NXPH1: variants seen among roughly 807,000 people sequenced by gnomAD.
NXPH1 encodes the protein neurexophilin-1.
Under a neutral mutation model 23.7 loss-of-function variants are expected in NXPH1, and 5 were observed. The observed-to-expected ratio is 0.21, with a 90% CI of 0.11 to 0.44. NXPH1 has a LOEUF of 0.44. Among genes scored for constraint, NXPH1 ranks in the 20% least tolerant of loss-of-function variants. The pLI is 0.99. For missense variants in NXPH1, 324 were observed against 321.6 expected (o/e 1.01, Z -0.06); for synonymous variants, 144 against 122.2 (o/e 1.18, Z -1.18).
intron 2 of NXPH1, among the ~76,000 whole-genome samples, chr7:8,716,965 A>G (rs1779888655): frequency 6.6e-6 from 1 of 152,210 alleles, no homozygotes; most frequent in Non-Finnish European, 1.5e-5. Flanking sequence ...AGGCTCCAAG[A>G]CACTGCTCTG....
intron 2 of NXPH1, among the ~76,000 whole-genome samples, chr7:8,462,832 C>T (rs1374171114): frequency 6.6e-6 from 1 of 152,182 alleles, no homozygotes; most frequent in Admixed American, 6.5e-5. Context: ...ATCTGTGTAT[C>T]ATTTTGCATT....
chr7:8,548,304 T>C (rs1818225980), intron 2 of NXPH1, among the ~76,000 whole-genome samples: 1 of 151,546 alleles, frequency 6.6e-6, no homozygotes, highest in African/African-American at 2.4e-5. Context: ...GTTTCCATGT[T>C]GGACATCGCC....
intron 2 of NXPH1, among the ~76,000 whole-genome samples, chr7:8,722,433 C>T (rs979215278): frequency 6.6e-6 from 1 of 152,182 alleles, no homozygotes; most frequent in African/African-American, 2.4e-5. Flanking sequence ...TTTCAATTCT[C>T]TCCTTCCTCA....
intron 2 of NXPH1, among the ~76,000 whole-genome samples, chr7:8,508,061 C>A (rs1160037021): frequency 6.6e-6 from 1 of 152,062 alleles, no homozygotes; most frequent in Non-Finnish European, 1.5e-5. Flanking sequence ...ATCCAATATT[C>A]CTGATTTCAA....
At chr7:8,620,799 A>G (rs1010676691) in intron 2 of NXPH1, among the ~76,000 whole-genome samples, 1 of 152,246 alleles carries the variant, frequency 6.6e-6, no homozygotes, top group Non-Finnish European at 1.5e-5. Context: ...ATGGTTAAAA[A>G]TTCTAATTTG....
intron 2 of NXPH1, among the ~76,000 whole-genome samples, chr7:8,739,171 TAAAAA>T (rs34593997): frequency 7.8e-4 from 42 of 54,046 alleles, no homozygotes; most frequent in African/African-American, 2.9e-3. Flanking sequence ...ACCAGTGGGG[TAAAAA>T]AAAAAAAAAA....
At chr7:8,543,355 T>C (rs1241385689) in intron 2 of NXPH1, among the ~76,000 whole-genome samples, 1 of 151,714 alleles carries the variant, frequency 6.6e-6, no homozygotes, top group Non-Finnish European at 1.5e-5. Context: ...GATGTGTCAC[T>C]TATGTTTCTT....
At chr7:8,496,957 G>T (rs1052758339) in intron 2 of NXPH1, among the ~76,000 whole-genome samples, 1 of 151,994 alleles carries the variant, frequency 6.6e-6, no homozygotes, top group Non-Finnish European at 1.5e-5. Flanking sequence ...CCATGTTGGT[G>T]TGCTGCACCC....
chr7:8,447,394 T>A (rs1816423813), intron 2 of NXPH1, among the ~76,000 whole-genome samples: 1 of 152,242 alleles, frequency 6.6e-6, no homozygotes, highest in South Asian at 2.1e-4. Context: ...ATTTCTCTGG[T>A]CTTGATGTGG....
chr7:8,747,020 C>T (rs1583259367), intron 2 of NXPH1, among the ~76,000 whole-genome samples: 1 of 152,160 alleles, frequency 6.6e-6, no homozygotes, highest in African/African-American at 2.4e-5. Flanking sequence ...GTGATGACAA[C>T]AGCTAAGACG....
intron 2 of NXPH1, among the ~76,000 whole-genome samples, chr7:8,594,837 T>C (rs12538831): frequency 6.6e-6 from 1 of 152,060 alleles, no homozygotes; most frequent in Non-Finnish European, 1.5e-5. Flanking sequence ...CAAATTATTG[T>C]CTTGTGTAGG....
chr7:8,564,605 T>C (rs926638251), intron 2 of NXPH1, among the ~76,000 whole-genome samples: 6 of 151,794 alleles, frequency 4.0e-5, no homozygotes, highest in African/African-American at 4.8e-5. Flanking sequence ...TTACTCCAAA[T>C]TCCTAATGGG....
At chr7:8,535,782 T>C (rs12667809) in intron 2 of NXPH1, among the ~76,000 whole-genome samples, 41,985 of 151,904 alleles carry the variant, frequency 0.28, 6,968 homozygotes, top group Admixed American at 0.41. Context: ...ATAAATTTAA[T>C]TCAATTTACA....
intron 2 of NXPH1, among the ~76,000 whole-genome samples, chr7:8,551,080 T>G (rs1271513052): frequency 2.0e-5 from 3 of 151,526 alleles, no homozygotes; most frequent in Non-Finnish European, 3.0e-5. Flanking sequence ...AATATCTTAG[T>G]TTTTTAAAAA....
chr7:8,557,142 C>G (rs1345591358), intron 2 of NXPH1, among the ~76,000 whole-genome samples: 1 of 151,634 alleles, frequency 6.6e-6, no homozygotes, highest in Non-Finnish European at 1.5e-5. Context: ...AGGTTTAGAA[C>G]CTGTGTTTGG....
At chr7:8,670,968 C>T (rs1344586096) in intron 2 of NXPH1, among the ~76,000 whole-genome samples, 1 of 152,106 alleles carries the variant, frequency 6.6e-6, no homozygotes, top group African/African-American at 2.4e-5. Flanking sequence ...TTGGGATGTA[C>T]TCATCTGCCT....
intron 2 of NXPH1, among the ~76,000 whole-genome samples, chr7:8,538,615 A>G (rs1818064654): frequency 6.6e-6 from 1 of 151,948 alleles, no homozygotes; most frequent in Non-Finnish European, 1.5e-5. Flanking sequence ...AATAGTATCT[A>G]TCTTAATTAT....
intron 2 of NXPH1, among the ~76,000 whole-genome samples, chr7:8,647,353 C>T (rs1317008513): frequency 6.6e-6 from 1 of 152,124 alleles, no homozygotes; most frequent in African/African-American, 2.4e-5. Context: ...CATGCCCAGC[C>T]CTGGCAGGAA....
At chr7:8,455,069 G>A (rs1422601566) in intron 2 of NXPH1, among the ~76,000 whole-genome samples, 1 of 151,982 alleles carries the variant, frequency 6.6e-6, no homozygotes, top group Non-Finnish European at 1.5e-5. Context: ...TGGACCAGAG[G>A]GCTACATGTT....
Sources: gnomAD v4.1 joint callset for allele counts (sites outside exome capture counted in the v4.1 genomes callset) on GRCh38, gnomAD v4.1.1 for gene constraint, MANE v1.5 for transcripts, NCBI Gene and HGNC (gene_info 2026-07-23, HGNC 2026-07-21) for gene names.